PCDHA1: variants seen among roughly 807,000 people sequenced by gnomAD.
PCDHA1 encodes the protein protocadherin alpha-1.
PCDHA1 carries 42 observed loss-of-function variants against 61.3 expected under a neutral mutation model. The ratio of observed to expected loss-of-function variants is 0.69; its 90% confidence interval spans 0.54 to 0.89. The LOEUF (loss-of-function observed/expected upper bound fraction) is 0.89, where lower values mean the gene tolerates loss of function less well. Ranked by LOEUF, PCDHA1 falls within the 40% of genes least tolerant of loss-of-function variation. The pLI, the probability that PCDHA1 is intolerant of heterozygous loss-of-function variation, is 0.00. For missense variants in PCDHA1, 1,256 were observed against 1,235.3 expected, an observed-to-expected ratio of 1.02 and a Z score of -0.25; for synonymous variants, 610 against 553.8, an observed-to-expected ratio of 1.10 and a Z score of -1.43.
intron 3 of PCDHA1, among the ~76,000 whole-genome samples, chr5:141,003,696 T>C (rs1554259206): frequency 6.6e-6 from 1 of 152,210 alleles, no homozygotes; most frequent in East Asian, 1.9e-4. Flanking sequence ...AATATATCCC[T>C]ACCAATTGTG....
At chr5:140,835,595 C>G (rs1241128064) in intron 1 of PCDHA1, 25 of 1,613,818 alleles carry the variant, frequency 1.5e-5, no homozygotes, top group Admixed American at 5.0e-5. Context: ...TCAAGAATTA[C>G]TATTCATTGG....
rs1761879000 is a variant in PCDHA1 at position 140,794,775 on chromosome 5, C to G, written c.2394+6091C>G. 6.2e-6 allele frequency: 4 copies of G among 640,614 alleles called. No individual in the cohort carries two copies. The South Asian group carries it at 9.2e-5, about 15-fold the overall frequency. 39.7% of individuals were successfully genotyped at this position (640,614 alleles called of 1,614,324 possible). A position where few individuals can be genotyped will look rare whatever the true frequency, so the allele number is the denominator to read the frequency against. On this transcript the variant is annotated intron_variant, in intron 1 of 3. Coordinates refer to ENST00000504120, the MANE Select transcript of PCDHA1 (RefSeq NM_018900.4). ...AAATCTACAGAATAAACAGTAGAGCCTTCCTTTTAGCCACATGATGTCGCT... is the reference window on the plus strand; with the variant it reads ...AAATCTACAGAATAAACAGTAGAGCGTTCCTTTTAGCCACATGATGTCGCT...
chr5:140,795,276 C>A, intron 1 of PCDHA1: 1 of 1,614,256 alleles, frequency 6.2e-7, no homozygotes. Context: ...AATGTAGCAT[C>A]CACGTGGAGG....
At chr5:140,875,438 T>C (rs1554167643) in intron 1 of PCDHA1, 1 of 1,568,134 alleles carries the variant, frequency 6.4e-7, no homozygotes, top group Non-Finnish European at 8.6e-7. Flanking sequence ...CCCTTAAAAC[T>C]GATTGTCCCA....
intron 1 of PCDHA1, among the ~76,000 whole-genome samples, chr5:140,826,711 G>A (rs1554130645): frequency 6.6e-6 from 1 of 152,172 alleles, no homozygotes; most frequent in African/African-American, 2.4e-5. Flanking sequence ...GTGGTATTGA[G>A]AAAGAGGAAG....
chr5:140,824,026 C>T, intron 1 of PCDHA1: 1 of 1,614,146 alleles, frequency 6.2e-7, no homozygotes, highest in Non-Finnish European at 8.5e-7. Flanking sequence ...GTCGTACTCG[C>T]AGCAGAGGAG....
chr5:140,939,005 G>A (rs2092293653), intron 1 of PCDHA1, among the ~76,000 whole-genome samples: 1 of 152,200 alleles, frequency 6.6e-6, no homozygotes, highest in Non-Finnish European at 1.5e-5. Flanking sequence ...AAGTTAAGAA[G>A]TGTTACTTTT....
At chr5:141,000,824 T>C (rs1477357302) in intron 3 of PCDHA1, among the ~76,000 whole-genome samples, 1 of 152,064 alleles carries the variant, frequency 6.6e-6, no homozygotes, top group Non-Finnish European at 1.5e-5. Context: ...GGAGGATCAC[T>C]TGAGTCCAGG....
rs2150454845 is a variant in PCDHA1 at position 140,849,865 on chromosome 5, A to C, written c.2394+61181A>C. On this transcript the variant is annotated intron_variant, in intron 1 of 3. Transcript: ENST00000504120. ...AACGACAACGCACCAGCGTTCGCGC[A>C]GTCCGAGTACACGGTGTTCGTGAAG... 1.4e-5 allele frequency: 23 copies of C among 1,598,572 alleles called. 3 individuals carry two copies. The highest frequency in any genetic ancestry group is 1.8e-5 in the Non-Finnish European group (21 of 1,167,972).
chr5:140,972,241 GC>G (rs1162351861), intron 1 of PCDHA1, among the ~76,000 whole-genome samples: 1 of 151,838 alleles, frequency 6.6e-6, no homozygotes, highest in Non-Finnish European at 1.5e-5. Flanking sequence ...CTGGGCTCAA[GC>G]AATCCTCACA....
At position 140,982,568 on chromosome 5, in the gene PCDHA1, A is replaced by G. The variant is rs1158399397; in HGVS notation, c.2542+5A>G. 6.2e-7 allele frequency: 1 copy of G among 1,613,890 alleles called. No individual in the cohort carries two copies. The highest frequency in any genetic ancestry group is 8.5e-7 in the Non-Finnish European group (1 of 1,179,906). On this transcript the variant is annotated splice_donor_5th_base_variant and intron_variant, in intron 3 of 3. Coordinates refer to ENST00000504120, the MANE Select transcript of PCDHA1 (RefSeq NM_018900.4). ...CAGTATCCAGTGCAACACCAGGTAA[A>G]GAGCTGGGGTCTCTCCATTCTTTCT...
intron 3 of PCDHA1, among the ~76,000 whole-genome samples, chr5:140,984,963 A>T (rs1390500469): frequency 1.3e-5 from 2 of 151,890 alleles, no homozygotes; most frequent in Non-Finnish European, 2.9e-5. Context: ...TTTGAGACAG[A>T]GTCTCGCTCT....
At position 140,793,716 on chromosome 5, in the gene PCDHA1, G is replaced by A. The variant is rs184979390; in HGVS notation, c.2394+5032G>A. The stretch of plus-strand genomic sequence containing the variant: ...TTTATTCTATTTTCATTTTTTTACT[G>A]TGAAGGGATCAGCTAAAAATTAACA... On this transcript the variant is annotated intron_variant, in intron 1 of 3. Coordinates refer to ENST00000504120, the MANE Select transcript of PCDHA1 (RefSeq NM_018900.4). Among the ~76,000 whole-genome samples the A allele has an allele frequency of 9.9e-5, 15 of 151,828 alleles. No homozygotes were observed. The East Asian group carries it at 2.9e-3, about 29-fold the overall frequency.
At chr5:140,932,309 ATATAT>A (rs1441363335) in intron 1 of PCDHA1, among the ~76,000 whole-genome samples, 6 of 151,956 alleles carry the variant, frequency 3.9e-5, no homozygotes, top group Non-Finnish European at 8.8e-5. Context: ...AAAGGTATAA[ATATAT>A]TAATGTAGCA....
Position 140,921,480 on chromosome 5 carries a change from A to G in PCDHA1, c.2395-57469A>G, listed in dbSNP as rs201609452. On this transcript the variant is annotated intron_variant, in intron 1 of 3. Coordinates refer to ENST00000504120, the MANE Select transcript of PCDHA1 (RefSeq NM_018900.4). ...CCTGCAACCACTACCAAACCACTCT[A>G]CCTGAGATTAGTTTATTAGATAGTG... 4.8e-4 allele frequency among the ~76,000 whole-genome samples: 73 copies of G among 152,306 alleles called. No homozygotes were observed. In the East Asian group the frequency reaches 0.011, roughly 22 times the overall value.
In PCDHA1 at chr5:140,874,972, G is replaced by A. The variant is rs2055201149; in HGVS notation, c.2394+86288G>A. On this transcript the variant is annotated intron_variant, in intron 1 of 3. Coordinates refer to ENST00000504120, the MANE Select transcript of PCDHA1 (RefSeq NM_018900.4). ...TTGTAAGCTATATAAGGGGAGGGGT[G>A]CTGTATATTATTCTGTATATCATTT... 2.6e-5 allele frequency among the ~76,000 whole-genome samples: 4 copies of A among 152,186 alleles called. No homozygotes were observed. In the South Asian group the frequency reaches 6.2e-4, roughly 24 times the overall value.
chr5:140,803,274 C>T (rs782736507), intron 1 of PCDHA1: 1 of 1,614,028 alleles, frequency 6.2e-7, no homozygotes, highest in African/African-American at 1.3e-5. Flanking sequence ...GGAAGCTGCA[C>T]TGGTGGATGT....
chr5:140,883,184 G>T (rs1341554668), intron 1 of PCDHA1: 10 of 1,613,756 alleles, frequency 6.2e-6, no homozygotes, highest in Non-Finnish European at 8.5e-6. Flanking sequence ...TAGGACAAAA[G>T]GCAAACTAGA....
At chr5:140,959,428 A>AT (rs2095488424) in intron 1 of PCDHA1, among the ~76,000 whole-genome samples, 1 of 152,102 alleles carries the variant, frequency 6.6e-6, no homozygotes, top group Non-Finnish European at 1.5e-5. Context: ...GAATTTGTGT[A>AT]TTTTTTTCTA....
Sources: allele counts gnomAD v4.1 joint callset (sites outside exome capture counted in the v4.1 genomes callset), GRCh38; gene constraint gnomAD v4.1.1; transcripts MANE v1.5; gene names NCBI Gene and HGNC (gene_info 2026-07-23, HGNC 2026-07-21).